The following GRAMD4 variants were observed in gnomAD, a reference collection of about 807,000 sequenced individuals.
GRAMD4 encodes the protein GRAM domain-containing protein 4.
In GRAMD4, 25 loss-of-function variants were observed where a neutral mutation model predicts 83.9. That is an observed-to-expected ratio of 0.30 (90% CI 0.22 to 0.42). The LOEUF (loss-of-function observed/expected upper bound fraction) is 0.42, where lower values mean the gene tolerates loss of function less well. Among genes scored for constraint, GRAMD4 ranks in the 10% least tolerant of loss-of-function variants. GRAMD4 has a pLI of 1.00. For missense variants in GRAMD4, 593 were observed against 788.7 expected, an observed-to-expected ratio of 0.75 and a Z score of 2.97; for synonymous variants, 336 against 320.9, an observed-to-expected ratio of 1.05 and a Z score of -0.50.
intron 1 of GRAMD4, among the ~76,000 whole-genome samples, chr22:46,584,978 C>A (rs2081134689): frequency 6.6e-6 from 1 of 152,232 alleles, no homozygotes; most frequent in Non-Finnish European, 1.5e-5. Flanking sequence ...TCTGAACTTG[C>A]CACCCTGGCA....
intron 1 of GRAMD4, among the ~76,000 whole-genome samples, chr22:46,603,515 C>CTTTTTTTTTTTTTTTT (rs71192425): frequency 2.5e-5 from 2 of 81,590 alleles, no homozygotes; most frequent in Admixed American, 1.8e-4. Context: ...GGCCTCTTCT[C>CTTTTTTTTTTTTTTTT]TTTTTTTTTT....
intron 9 of GRAMD4, among the ~76,000 whole-genome samples, chr22:46,665,932 C>T (rs965410879): frequency 3.9e-5 from 6 of 152,218 alleles, no homozygotes; most frequent in African/African-American, 4.8e-5. Flanking sequence ...GCTCCTTCCC[C>T]GGGCGGCCAG....
At chr22:46,665,768 C>T (rs1422392616) in intron 9 of GRAMD4, 62 bp downstream of exon 9, 3 of 906,680 alleles carry the variant, frequency 3.3e-6, no homozygotes, top group East Asian at 4.9e-5. Context: ...TGCTGTCTCC[C>T]TGCGTCTCAC....
chr22:46,649,199 G>T (rs2082129618), intron 3 of GRAMD4, among the ~76,000 whole-genome samples: 1 of 152,232 alleles, frequency 6.6e-6, no homozygotes, highest in Non-Finnish European at 1.5e-5. Context: ...GAGTTGGGGA[G>T]TGTCCCTGAT....
rs368943135 is a variant in GRAMD4 at position 46,663,978 on chromosome 22, C to T, written c.626-48C>T. 1,130 of 1,567,212 alleles carry T rather than the reference C, an allele frequency of 7.2e-4. 7 individuals are homozygous for T. Among genetic ancestry groups the T allele is most frequent in the South Asian group, 5.1e-3 (460 of 90,142 alleles). On this transcript the variant is annotated intron_variant, in intron 7 of 18. Transcript: ENST00000406902. ...GACTCTCCAGGGAGACGTGGTTAAG[C>T]GGCCTCCTACCCACAGTGCTGACCA... is the stretch of plus-strand genomic sequence containing the variant.
chr22:46,672,775 C>A lies in GRAMD4; in HGVS notation c.1085-68C>A. On this transcript the variant is annotated intron_variant, in intron 13 of 18. Coordinates refer to ENST00000406902, the MANE Select transcript of GRAMD4 (RefSeq NM_015124.5). The surrounding 1 kb of genome is among the most constrained non-coding windows in gnomAD (Gnocchi z 4.7). ...TCTGGGAGGTGGGAGGTGCCGGAAC[C>A]ATCACCCTGAGTAGACTGGCATAGC... 1 of 1,314,682 alleles carries A rather than the reference C, an allele frequency of 7.6e-7. No individual in the cohort carries two copies. The highest frequency in any genetic ancestry group is 1.1e-6 in the Non-Finnish European group (1 of 932,692). The allele number at this position is 1,314,682 out of a possible 1,614,324, so 81.4% of individuals were successfully genotyped here.
chr22:46,661,867 G>T (rs1308367022), intron 5 of GRAMD4, among the ~76,000 whole-genome samples: 2 of 152,198 alleles, frequency 1.3e-5, no homozygotes, highest in Non-Finnish European at 2.9e-5. Flanking sequence ...GGAGTTGGGG[G>T]TTCATGTGCC....
chr22:46,623,730 G>T (rs927681306), intron 1 of GRAMD4, among the ~76,000 whole-genome samples: 1 of 151,008 alleles, frequency 6.6e-6, no homozygotes, highest in South Asian at 2.1e-4. Context: ...AGGTTTTCGC[G>T]TATTAGGAAG....
chr22:46,674,400 G>C (rs2082563376), intron 15 of GRAMD4, among the ~76,000 whole-genome samples: 1 of 152,206 alleles, frequency 6.6e-6, no homozygotes, highest in South Asian at 2.1e-4. Flanking sequence ...GCCACACTGT[G>C]ACTTCTGTTG....
chr22:46,663,951 C>T (rs1407525170), intron 7 of GRAMD4, 75 bp from the exon 8 acceptor site: 6 of 1,575,114 alleles, frequency 3.8e-6, no homozygotes, highest in Non-Finnish European at 3.5e-6. Flanking sequence ...CTGAGCTGAA[C>T]CGACTCTCCA....
chr22:46,680,635 CATCCA>C (rs2082660714), downstream of GRAMD4, among the ~76,000 whole-genome samples: 6 of 141,640 alleles, frequency 4.2e-5, no homozygotes, highest in South Asian at 2.3e-4. Flanking sequence ...TTCATCCCTC[CATCCA>C]TTCATCCATC....
At chr22:46,616,002 G>T (rs1469191914), upstream of GRAMD4, among the ~76,000 whole-genome samples, 1 of 134,654 alleles carries the variant, frequency 7.4e-6, no homozygotes, top group African/African-American at 2.9e-5. Context: ...GTTCCCCCGT[G>T]TGTAGGTTCT....
At chr22:46,623,973 A>G (rs113498393) in intron 1 of GRAMD4, among the ~76,000 whole-genome samples, 1,581 of 151,762 alleles carry the variant, frequency 0.01, 21 homozygotes, top group African/African-American at 0.037. Flanking sequence ...GCAGAGATGG[A>G]GGTTCGCCAT....
rs1400682435 is a variant in GRAMD4 at position 46,679,711 on chromosome 22, CTT to C, written c.*2462_*2463del. On this transcript the variant is annotated 3_prime_UTR_variant, in exon 19 of 19. Transcript: ENST00000406902. Reference sequence around the variant, plus strand: ...CTCCTGTAACATTTTTTTAAGAAAACTTTGTTTGTTTAAAGAAAAAGTATTGT... The same window carrying C: ...CTCCTGTAACATTTTTTTAAGAAAACTGTTTGTTTAAAGAAAAAGTATTGT... 1 of 972,586 alleles carries C rather than the reference CTT, an allele frequency of 1.0e-6. No individual in the cohort carries two copies. The highest frequency in any genetic ancestry group is 1.2e-6 in the Non-Finnish European group (1 of 818,194). 60.2% of individuals were successfully genotyped at this position (972,586 alleles called of 1,614,324 possible).
chr22:46,672,270 C>T lies in GRAMD4; in HGVS notation c.1085-573C>T, dbSNP rs572444132. 7.2e-5 allele frequency among the ~76,000 whole-genome samples: 11 copies of T among 152,190 alleles called. No homozygotes were observed. The highest frequency in any genetic ancestry group is 5.8e-4 in the East Asian group (3 of 5,176). ...CCATGATTGTGTCAGGTGACAGTAT[C>T]GGGGAGAAAACGGAGCTGGTGGAGG... On this transcript the variant is annotated intron_variant, in intron 13 of 18. Transcript: ENST00000406902. This position sits in a 1 kb window ranked among gnomAD's most constrained non-coding sequence, Gnocchi z 4.7.
At chr22:46,666,981 T>G in intron 10 of GRAMD4, 108 bp downstream of exon 10, 1 of 770,482 alleles carries the variant, frequency 1.3e-6, no homozygotes. Flanking sequence ...CATGTGGTCA[T>G]CCCCCTGGAG....
Position 46,638,733 on chromosome 22 carries a change from A to G in GRAMD4, c.283+773A>G, listed in dbSNP as rs117720226. Among the ~76,000 whole-genome samples the G allele has an allele frequency of 2.6e-5, 4 of 152,268 alleles. No homozygotes were observed. In the East Asian group the frequency reaches 5.8e-4, roughly 22 times the overall value. ...GTGTGTGGTTCTCACAGCTGACTCT[A>G]TGGTGGAATTCTTGTTATTACGCTC... On this transcript the variant is annotated intron_variant, in intron 3 of 18. Coordinates refer to ENST00000406902, the MANE Select transcript of GRAMD4 (RefSeq NM_015124.5).
intron 1 of GRAMD4, among the ~76,000 whole-genome samples, chr22:46,592,773 C>T (rs1019774524): frequency 4.0e-5 from 6 of 151,864 alleles, no homozygotes; most frequent in Non-Finnish European, 8.8e-5. Context: ...AGGATGTGGC[C>T]GGCATCGTGG....
chr22:46,587,965 T>C, intron 1 of GRAMD4: 2 of 984,760 alleles, frequency 2.0e-6, no homozygotes, highest in Non-Finnish European at 2.4e-6. Flanking sequence ...GGCCTGAGGG[T>C]CCAGGGGGCC....
Sources: gnomAD v4.1 joint callset for allele counts (sites outside exome capture counted in the v4.1 genomes callset) on GRCh38, gnomAD v4.1.1 for gene constraint, Gnocchi (gnomAD v3.1) non-coding constraint, MANE v1.5 for transcripts, NCBI Gene and HGNC (gene_info 2026-07-23, HGNC 2026-07-21) for gene names.